TXNDC16: variants seen among roughly 807,000 people sequenced by gnomAD.
TXNDC16 encodes thioredoxin domain-containing protein 16.
TXNDC16 carries 74 observed loss-of-function variants against 85.6 expected under a neutral mutation model. That is an observed-to-expected ratio of 0.86 (90% CI 0.72 to 1.05). The LOEUF (loss-of-function observed/expected upper bound fraction) is 1.05, where lower values mean the gene tolerates loss of function less well. Ranked by LOEUF, TXNDC16 falls within the 50% of genes least tolerant of loss-of-function variation. The pLI is 0.00. For missense variants in TXNDC16, 959 were observed against 947.0 expected (o/e 1.01, Z -0.17); for synonymous variants, 335 against 326.5 (o/e 1.03, Z -0.28).
chr14:52,459,458 G>T (rs1327696498), intron 16 of TXNDC16, among the ~76,000 whole-genome samples: 1 of 152,092 alleles, frequency 6.6e-6, no homozygotes, highest in Non-Finnish European at 1.5e-5. Flanking sequence ...AAAAGCCCAG[G>T]ACCTGATGGA....
At chr14:52,482,547 T>C (rs1594715991) in intron 13 of TXNDC16, among the ~76,000 whole-genome samples, 1 of 152,160 alleles carries the variant, frequency 6.6e-6, no homozygotes, top group African/African-American at 2.4e-5. Flanking sequence ...TATAAATCTA[T>C]AATAACTGTT....
At chr14:52,437,157 A>G (rs1325595228) in intron 20 of TXNDC16, among the ~76,000 whole-genome samples, 1 of 152,142 alleles carries the variant, frequency 6.6e-6, no homozygotes, top group Non-Finnish European at 1.5e-5. Flanking sequence ...AGAAAAGTGG[A>G]TATTATGGCA....
intron 6 of TXNDC16, among the ~76,000 whole-genome samples, chr14:52,532,572 G>A (rs900286588): frequency 1.1e-4 from 16 of 151,982 alleles, no homozygotes; most frequent in African/African-American, 3.6e-4. Context: ...GAGTAGCTGG[G>A]ACTACAGGCG....
rs116390272 is a variant in TXNDC16 at position 52,513,771 on chromosome 14, C to T, written c.605+1109G>A. ...GGACCTATACCTTGCCAATAAATAACCACCTCTTTATGTTTTAATATCACT... is the reference window on the plus strand; with the variant it reads ...GGACCTATACCTTGCCAATAAATAATCACCTCTTTATGTTTTAATATCACT... On this transcript the variant is annotated intron_variant, in intron 8 of 20. Coordinates refer to ENST00000281741, the MANE Select transcript of TXNDC16 (RefSeq NM_020784.3). Among the ~76,000 whole-genome samples the T allele has an allele frequency of 3.9e-3, 599 of 151,918 alleles. 6 individuals carry two copies. The highest frequency in any genetic ancestry group is 0.014 in the African/African-American group (571 of 41,452).
chr14:52,540,992 T>C (rs1187209680), intron 4 of TXNDC16, among the ~76,000 whole-genome samples: 2 of 152,042 alleles, frequency 1.3e-5, no homozygotes, highest in Admixed American at 1.3e-4. Context: ...TCCCAGAATT[T>C]TGGGAGGCCA....
chr14:52,468,134 G>A (rs1309151873), intron 16 of TXNDC16, among the ~76,000 whole-genome samples: 2 of 152,138 alleles, frequency 1.3e-5, no homozygotes, highest in Non-Finnish European at 2.9e-5. Context: ...TGAGTACAGA[G>A]TTTCAGTTTT....
chr14:52,440,844 T>C (rs1040670610), intron 18 of TXNDC16, 120 bp from the exon 19 acceptor site: 3 of 886,550 alleles, frequency 3.4e-6, no homozygotes, highest in Non-Finnish European at 5.0e-6. Context: ...AAACACATTT[T>C]CACTTAAGTA....
intron 16 of TXNDC16, among the ~76,000 whole-genome samples, chr14:52,465,526 A>G (rs1397789604): frequency 2.7e-5 from 4 of 149,000 alleles, no homozygotes; most frequent in Admixed American, 6.8e-5. Context: ...TGGGAGGCCG[A>G]GCTTGCAGTG....
chr14:52,529,076 C>G (rs11628498), intron 6 of TXNDC16, among the ~76,000 whole-genome samples: 1 of 149,402 alleles, frequency 6.7e-6, no homozygotes, highest in Non-Finnish European at 1.5e-5. Flanking sequence ...TGTAACCAAC[C>G]CAAACGTCCA....
At position 52,544,684 on chromosome 14, in the gene TXNDC16, C is replaced by CT. The variant is rs2037905020; in HGVS notation, c.-181-314dup. Among the ~76,000 whole-genome samples, 6 of 151,824 alleles carry CT rather than the reference C, an allele frequency of 4.0e-5. No homozygotes were observed. In the Middle Eastern group the frequency reaches 0.017, roughly 433 times the overall value. On this transcript the variant is annotated intron_variant, in intron 1 of 20. Transcript: ENST00000281741. The stretch of plus-strand genomic sequence containing the variant: ...ATCAATAAGCACATAATATCTCTCT[C>CT]TAACAAGCCGGTGTTCCTGAAAAAA...
At chr14:52,539,587 G>C (rs1212956204) in intron 4 of TXNDC16, among the ~76,000 whole-genome samples, 1 of 152,188 alleles carries the variant, frequency 6.6e-6, no homozygotes, top group African/African-American at 2.4e-5. Context: ...TCTGTCATGG[G>C]ACAAAGTGAA....
intron 9 of TXNDC16, among the ~76,000 whole-genome samples, chr14:52,508,285 C>CTAA (rs1206170499): frequency 5.9e-5 from 9 of 152,218 alleles, no homozygotes; most frequent in African/African-American, 9.7e-5. Context: ...CAAAAGAAGA[C>CTAA]ATTTATGCAG....
In TXNDC16 at chr14:52,488,403, T is replaced by C. The variant is rs145294865; in HGVS notation, c.1068A>G (p.Ile356Met). The change falls in exon 12 of 21, where the codon ATA becomes ATG. Residue 356 changes from isoleucine (I) to methionine (M), a missense_variant. Coordinates refer to ENST00000281741, the MANE Select transcript of TXNDC16 (RefSeq NM_020784.3). ...HVENNMHIEE[I>M]QEDEDNDMEG... The stretch of plus-strand genomic sequence containing the variant: ...CCATGTCATTGTCTTCATCTTCTTG[T>C]ATTTCCTCAATGTGCATATTATTTT... 2.2e-4 allele frequency: 348 copies of C among 1,613,788 alleles called. 4 individuals carry two copies. The African/African-American group carries it at 4.1e-3, about 19-fold the overall frequency.
At chr14:52,526,253 G>T (rs769828880) in intron 6 of TXNDC16, among the ~76,000 whole-genome samples, 8 of 152,062 alleles carry the variant, frequency 5.3e-5, no homozygotes, top group Non-Finnish European at 1.0e-4. Context: ...TAATTTAAAT[G>T]TCATTTATTT....
intron 5 of TXNDC16, 152 bp from the exon 6 acceptor site, chr14:52,536,945 C>T: frequency 1.6e-6 from 1 of 609,396 alleles, no homozygotes; most frequent in Non-Finnish European, 2.9e-6. Flanking sequence ...TACCAGCGTC[C>T]TGGCACATAA....
At chr14:52,445,956 A>C (rs943611414) in intron 18 of TXNDC16, among the ~76,000 whole-genome samples, 6 of 152,236 alleles carry the variant, frequency 3.9e-5, no homozygotes, top group African/African-American at 1.4e-4. Context: ...GCCTTTCATA[A>C]GACAATATTT....
intron 11 of TXNDC16, among the ~76,000 whole-genome samples, chr14:52,489,154 TTC>T (rs1418074774): frequency 6.6e-6 from 1 of 152,122 alleles, no homozygotes; most frequent in African/African-American, 2.4e-5. Flanking sequence ...AAATTGATTA[TTC>T]TGACATTCCA....
At position 52,479,580 on chromosome 14, in the gene TXNDC16, A is replaced by AT. The variant is rs907061095; in HGVS notation, c.1312+2649_1312+2650insA. Among the ~76,000 whole-genome samples, 20 of 152,172 alleles carry AT rather than the reference A, an allele frequency of 1.3e-4. No homozygotes were observed. In the South Asian group the frequency reaches 2.1e-3, roughly 16 times the overall value. On this transcript the variant is annotated intron_variant, in intron 14 of 20. Transcript: ENST00000281741. ...CTTTTACAATAGCTGCAAAAAAAAA[A>AT]AATAATAAAAATACTTAGGAATATA...
At chr14:52,450,484 A>G (rs559831267) in intron 18 of TXNDC16, among the ~76,000 whole-genome samples, 4 of 151,792 alleles carry the variant, frequency 2.6e-5, no homozygotes, top group Middle Eastern at 3.4e-3. Context: ...TCGGGACCCA[A>G]TGGCTTCACT....
Sources: allele counts gnomAD v4.1 joint callset (sites outside exome capture counted in the v4.1 genomes callset), GRCh38; gene constraint gnomAD v4.1.1; transcripts MANE v1.5; gene names NCBI Gene and HGNC (gene_info 2026-07-23, HGNC 2026-07-21).